PCDHA13: variants seen among roughly 807,000 people sequenced by gnomAD.
PCDHA13 encodes the protein protocadherin alpha 13.
A neutral mutation model predicts 64.8 loss-of-function variants in PCDHA13; 54 were observed. That is an observed-to-expected ratio of 0.83 (90% CI 0.67 to 1.04). PCDHA13 has a LOEUF of 1.04. PCDHA13 is among the 50% of genes least tolerant of loss of function. The pLI is 0.00. For missense variants in PCDHA13, 1,248 were observed against 1,254.3 expected (o/e 0.99, Z 0.08); for synonymous variants, 587 against 564.4 (o/e 1.04, Z -0.57).
chr5:140,914,590 T>C (rs886666163), intron 1 of PCDHA13, among the ~76,000 whole-genome samples: 1 of 152,208 alleles, frequency 6.6e-6, no homozygotes, highest in African/African-American at 2.4e-5. Flanking sequence ...TTCATTTAAG[T>C]AGGAACTTCC....
intron 1 of PCDHA13, among the ~76,000 whole-genome samples, chr5:140,898,648 G>T (rs1436511217): frequency 8.5e-5 from 13 of 152,136 alleles, no homozygotes; most frequent in African/African-American, 3.1e-4. Context: ...TGTTCTTTTG[G>T]CTTAGGATTG....
rs781956914 is a variant in PCDHA13 at position 140,884,060 on chromosome 5, G to T, written c.1792G>T (p.Asp598Tyr). 1 of 1,613,430 alleles carries T rather than the reference G, an allele frequency of 6.2e-7. No individual in the cohort carries two copies. Among genetic ancestry groups the T allele is most frequent in the African/African-American group, 1.3e-5 (1 of 74,918 alleles). Residue 598 changes from aspartate (D) to tyrosine (Y), a missense_variant, in exon 1 of 4, where the codon GAC (aspartate) becomes TAC (tyrosine). Asp to Tyr is a radical substitution (Grantham distance 160). Coordinates refer to ENST00000289272, the MANE Select transcript of PCDHA13 (RefSeq NM_018904.3). ...GHVVAKVRAV[D>Y]ADSGYNAWLS... is the part of the protein sequence containing the mutation. ...CGTGGTGGCGAAGGTGCGCGCGGTG[G>T]ACGCCGATTCGGGCTACAATGCGTG...
chr5:140,978,911 T>C, intron 1 of PCDHA13, 38 bp from the exon 2 acceptor site: 1 of 1,613,856 alleles, frequency 6.2e-7, no homozygotes, highest in Non-Finnish European at 8.5e-7. Context: ...AACATTGTCT[T>C]GTCATTTTAA....
At chr5:140,938,336 A>G (rs1251086891) in intron 1 of PCDHA13, among the ~76,000 whole-genome samples, 1 of 152,204 alleles carries the variant, frequency 6.6e-6, no homozygotes, top group African/African-American at 2.4e-5. Context: ...ATGTTAATGG[A>G]TAATCTTGTC....
At chr5:140,916,596 G>A (rs1482287916) in intron 1 of PCDHA13, among the ~76,000 whole-genome samples, 3 of 152,194 alleles carry the variant, frequency 2.0e-5, no homozygotes, top group Non-Finnish European at 4.4e-5. Context: ...GCTAGGGCCT[G>A]GAATGCGGGC....
At chr5:140,905,990 G>A (rs569951946) in intron 1 of PCDHA13, among the ~76,000 whole-genome samples, 5 of 152,280 alleles carry the variant, frequency 3.3e-5, no homozygotes, top group Admixed American at 1.3e-4. Flanking sequence ...GAAAGATGTA[G>A]GCTGGGAGGC....
At chr5:140,902,861 G>A (rs782302668) in intron 1 of PCDHA13, among the ~76,000 whole-genome samples, 21 of 152,088 alleles carry the variant, frequency 1.4e-4, no homozygotes, top group Admixed American at 5.2e-4. Context: ...TGGCGTCCAG[G>A]TCCACCCAAG....
chr5:140,942,769 T>A (rs1554215212), intron 1 of PCDHA13, among the ~76,000 whole-genome samples: 1 of 152,202 alleles, frequency 6.6e-6, no homozygotes, highest in Non-Finnish European at 1.5e-5. Flanking sequence ...GCATAATGTA[T>A]TTTTAGGCAG....
intron 1 of PCDHA13, among the ~76,000 whole-genome samples, chr5:140,960,639 C>T (rs1184483884): frequency 5.9e-5 from 9 of 152,058 alleles, no homozygotes; most frequent in Admixed American, 5.9e-4. Flanking sequence ...ATTTTTAAAA[C>T]CCCTATCCAA....
intron 2 of PCDHA13, among the ~76,000 whole-genome samples, chr5:140,981,776 A>T (rs908868836): frequency 2.4e-4 from 36 of 151,980 alleles, no homozygotes; most frequent in African/African-American, 8.0e-4. Context: ...TGAATACTGC[A>T]CCATGTTCTC....
chr5:140,907,252 A>C (rs1459023391), intron 1 of PCDHA13, among the ~76,000 whole-genome samples: 3 of 152,152 alleles, frequency 2.0e-5, no homozygotes, highest in African/African-American at 7.2e-5. Flanking sequence ...TGTAATTGTG[A>C]CTTCAAAAGG....
chr5:141,002,039 C>G (rs1198304632), intron 3 of PCDHA13, among the ~76,000 whole-genome samples: 1 of 152,216 alleles, frequency 6.6e-6, no homozygotes, highest in Non-Finnish European at 1.5e-5. Flanking sequence ...TGACTCTTTC[C>G]TGGGCATCCA....
rs2059854560 is a variant in PCDHA13, at chr5:140,883,858, G to C, written c.1590G>C (p.Leu530=). The C allele has an allele frequency of 6.2e-7, 1 of 1,613,142 alleles. No homozygotes were observed. The highest frequency in any genetic ancestry group is 1.8e-4 in the Middle Eastern group (1 of 5,518). Residue 530 remains leucine (L), a synonymous_variant, in exon 1 of 4, where the codon CTG becomes CTC. Transcript: ENST00000289272. ...CGTTGGACCACGAGGAGCTGGAGCT[G>C]TTGCAGTTCCAGGTGAGCGCGCGCG... ...LQPLDHEELE[L]LQFQVSARDS... is the part of the protein sequence containing the mutation.
intron 3 of PCDHA13, among the ~76,000 whole-genome samples, chr5:140,997,614 A>G (rs1355709943): frequency 6.6e-6 from 1 of 152,148 alleles, no homozygotes; most frequent in Admixed American, 6.6e-5. Context: ...GCATGACTAT[A>G]TAGAGATTTT....
At chr5:140,988,828 A>C (rs1554250455) in intron 3 of PCDHA13, 1 of 152,170 alleles carries the variant, frequency 6.6e-6, no homozygotes, top group Non-Finnish European at 1.5e-5. Flanking sequence ...CCAAACAGAG[A>C]TCACGTGTCT....
chr5:141,003,017 G>T (rs1398844749), intron 3 of PCDHA13, among the ~76,000 whole-genome samples: 1 of 152,240 alleles, frequency 6.6e-6, no homozygotes, highest in Non-Finnish European at 1.5e-5. Flanking sequence ...GGGAAAGTCA[G>T]TGTAAATCAG....
intron 2 of PCDHA13, 58 bp from the exon 3 acceptor site, chr5:140,982,417 G>T: frequency 1.2e-6 from 2 of 1,610,546 alleles, no homozygotes; most frequent in Non-Finnish European, 1.7e-6. Flanking sequence ...GAGGGTGGAA[G>T]AAGAGATGGG....
chr5:140,944,743 T>A (rs1307968034), intron 1 of PCDHA13, among the ~76,000 whole-genome samples: 2 of 152,238 alleles, frequency 1.3e-5, no homozygotes, highest in East Asian at 3.8e-4. Flanking sequence ...TCTGAGCATT[T>A]ACATGGAAAA....
At chr5:141,008,784 A>G (rs541946217) in intron 3 of PCDHA13, among the ~76,000 whole-genome samples, 2 of 152,320 alleles carry the variant, frequency 1.3e-5, no homozygotes, top group East Asian at 3.9e-4. Flanking sequence ...ATTGGCTCCC[A>G]GTGTTTTATC....
Sources: gnomAD v4.1 joint callset for allele counts (sites outside exome capture counted in the v4.1 genomes callset) on GRCh38, gnomAD v4.1.1 for gene constraint, MANE v1.5 for transcripts, NCBI Gene and HGNC (gene_info 2026-07-23, HGNC 2026-07-21) for gene names.